PAPPA: variants seen among roughly 807,000 people sequenced by gnomAD.
PAPPA encodes pappalysin 1, also known as pappalysin-1.
A neutral mutation model predicts 164.0 loss-of-function variants in PAPPA; 60 were observed. The observed-to-expected ratio is 0.37, with a 90% CI of 0.30 to 0.45. The LOEUF is 0.45. PAPPA is among the 20% of genes least tolerant of loss of function. The pLI, the probability that PAPPA is intolerant of heterozygous loss-of-function variation, is 1.00. For missense variants in PAPPA, 1,782 were observed against 2,087.3 expected (o/e 0.85, Z 2.85); for synonymous variants, 875 against 814.1 (o/e 1.07, Z -1.27).
At chr9:116,343,573 A>C (rs1846165664) in intron 13 of PAPPA, among the ~76,000 whole-genome samples, 1 of 152,138 alleles carries the variant, frequency 6.6e-6, no homozygotes, top group African/African-American at 2.4e-5. Flanking sequence ...ATGATGTGTA[A>C]GTTATCTTAC....
intron 21 of PAPPA, among the ~76,000 whole-genome samples, chr9:116,383,276 G>A (rs913965090): frequency 2.0e-5 from 3 of 152,166 alleles, no homozygotes; most frequent in East Asian, 1.9e-4. Flanking sequence ...GCTGAGAAGC[G>A]TTCTTGTGAT....
intron 3 of PAPPA, among the ~76,000 whole-genome samples, chr9:116,208,506 T>C (rs1035070336): frequency 3.3e-5 from 5 of 152,118 alleles, no homozygotes; most frequent in African/African-American, 9.6e-5. Context: ...CCACATAATA[T>C]TCCCTTGAAC....
intron 9 of PAPPA, 119 bp from the exon 10 acceptor site, chr9:116,302,638 G>A (rs2118890844): frequency 1.4e-6 from 1 of 711,012 alleles, no homozygotes; most frequent in East Asian, 2.7e-5. Flanking sequence ...CGTGACTAAT[G>A]TGATGGGCTT....
intron 9 of PAPPA, among the ~76,000 whole-genome samples, chr9:116,295,410 C>T (rs532044648): frequency 3.3e-5 from 5 of 151,782 alleles, no homozygotes; most frequent in African/African-American, 4.8e-5. Context: ...AAAAATTAGC[C>T]GGATGTGGTG....
intron 9 of PAPPA, among the ~76,000 whole-genome samples, chr9:116,279,631 T>G (rs1845243960): frequency 6.6e-6 from 1 of 152,184 alleles, no homozygotes. Flanking sequence ...CTTTGATGTG[T>G]GCCTTTGAAA....
intron 21 of PAPPA, among the ~76,000 whole-genome samples, chr9:116,383,871 C>T (rs1190210929): frequency 2.0e-5 from 3 of 152,060 alleles, no homozygotes; most frequent in Admixed American, 2.0e-4. Context: ...AATTCATTTT[C>T]TGTTAAGGAA....
intron 21 of PAPPA, among the ~76,000 whole-genome samples, chr9:116,385,856 G>A (rs1037340265): frequency 1.1e-4 from 16 of 152,330 alleles, no homozygotes; most frequent in East Asian, 3.9e-4. Flanking sequence ...CTTGTGAAAC[G>A]TGTAGTCTAT....
intron 13 of PAPPA, among the ~76,000 whole-genome samples, chr9:116,336,561 C>T (rs1299836679): frequency 6.6e-6 from 1 of 152,214 alleles, no homozygotes; most frequent in Non-Finnish European, 1.5e-5. Context: ...AACCAGCCTT[C>T]CTGACCATCC....
At chr9:116,381,947 T>C (rs1315825212) in intron 20 of PAPPA, among the ~76,000 whole-genome samples, 2 of 152,210 alleles carry the variant, frequency 1.3e-5, no homozygotes, top group Non-Finnish European at 2.9e-5. Flanking sequence ...TCTTGGGCAG[T>C]TTACATTCAG....
Position 116,401,851 on chromosome 9 carries a change from A to G in PAPPA, c.*5235A>G, listed in dbSNP as rs1057448254. The stretch of plus-strand genomic sequence containing the variant: ...AAGAATTCTTCTGGCCTATTGTAAA[A>G]AAGAAAAAAAAAAAGAAAAAGAAGA... On this transcript the variant is annotated 3_prime_UTR_variant, in exon 22 of 22. Transcript: ENST00000328252. 6 of 134,330 alleles carry G rather than the reference A, an allele frequency of 4.5e-5. No homozygotes were observed. Among genetic ancestry groups the G allele is most frequent in the African/African-American group, 1.6e-4 (6 of 37,532 alleles). The allele number at this position is 134,330 out of a possible 1,614,324, so 8.3% of individuals were successfully genotyped here. A position where few individuals can be genotyped will look rare whatever the true frequency, so the allele number is the denominator to read the frequency against.
intron 1 of PAPPA, among the ~76,000 whole-genome samples, chr9:116,172,722 A>C (rs1843787974): frequency 6.6e-6 from 1 of 152,164 alleles, no homozygotes; most frequent in African/African-American, 2.4e-5. Flanking sequence ...GTTCCTCAGC[A>C]TCTTTTACAG....
chr9:116,174,764 A>G (rs1373191124), intron 1 of PAPPA, among the ~76,000 whole-genome samples: 1 of 152,122 alleles, frequency 6.6e-6, no homozygotes, highest in Admixed American at 6.5e-5. Context: ...ATCTAAAATA[A>G]GGAATCCAGA....
At chr9:116,382,057 C>A (rs10983126) in intron 20 of PAPPA, among the ~76,000 whole-genome samples, 22,810 of 152,124 alleles carry the variant, frequency 0.15, 2,131 homozygotes, top group Middle Eastern at 0.22. Context: ...CTGGTCATTT[C>A]TTTGAGTAAA....
intron 19 of PAPPA, chr9:116,373,601 G>A (rs1286673854): frequency 1.3e-5 from 2 of 151,922 alleles, no homozygotes; most frequent in African/African-American, 4.8e-5. Context: ...GCTCTGCTTG[G>A]GGCCTGTCTT....
chr9:116,365,437 T>C (rs1262439196), intron 18 of PAPPA, among the ~76,000 whole-genome samples: 1 of 151,824 alleles, frequency 6.6e-6, no homozygotes, highest in Non-Finnish European at 1.5e-5. Context: ...AGCCTGGTCC[T>C]AAAGCCCCAG....
chr9:116,163,800 T>C (rs1449523605), intron 1 of PAPPA, among the ~76,000 whole-genome samples: 1 of 152,126 alleles, frequency 6.6e-6, no homozygotes, highest in Admixed American at 6.5e-5. Context: ...CATTGACTGG[T>C]AACAACTTGG....
chr9:116,178,749 A>G (rs1843866429), intron 1 of PAPPA, among the ~76,000 whole-genome samples: 1 of 152,236 alleles, frequency 6.6e-6, no homozygotes, highest in Non-Finnish European at 1.5e-5. Flanking sequence ...AGGAAGATGT[A>G]TCATCCCCAT....
Position 116,337,464 on chromosome 9 carries a change from G to A in PAPPA, c.3611+2390G>A, listed in dbSNP as rs571508824. The stretch of plus-strand genomic sequence containing the variant: ...AAGCAACAACTGTAAAGAACCATGG[G>A]ATGTTTTCCTTCATTCTCAAAACAC... On this transcript the variant is annotated intron_variant, in intron 13 of 21. Coordinates refer to ENST00000328252, the MANE Select transcript of PAPPA (RefSeq NM_002581.5). Among the ~76,000 whole-genome samples the A allele has an allele frequency of 1.2e-4, 19 of 152,286 alleles. No individual in the cohort carries two copies. In the East Asian group the frequency reaches 3.7e-3, roughly 29 times the overall value.
At chr9:116,262,953 C>T (rs1472008306) in intron 7 of PAPPA, among the ~76,000 whole-genome samples, 1 of 152,186 alleles carries the variant, frequency 6.6e-6, no homozygotes, top group Non-Finnish European at 1.5e-5. Flanking sequence ...CTGACTTAAA[C>T]TTGGGTAAAA....
Sources: gnomAD v4.1 joint callset for allele counts (sites outside exome capture counted in the v4.1 genomes callset) on GRCh38, gnomAD v4.1.1 for gene constraint, MANE v1.5 for transcripts, NCBI Gene and HGNC (gene_info 2026-07-23, HGNC 2026-07-21) for gene names.